RBM14: variants seen among roughly 807,000 people sequenced by gnomAD.
RBM14 encodes the protein RNA binding motif protein 14, also known as RNA-binding protein 14.
Under a neutral mutation model 52.8 loss-of-function variants are expected in RBM14, and 5 were observed. That is an observed-to-expected ratio of 0.09 (90% CI 0.05 to 0.20). The LOEUF is 0.20. RBM14 is among the 10% of genes least tolerant of loss of function. The pLI is 1.00. For synonymous variants in RBM14, 411 were observed against 401.8 expected (o/e 1.02, Z -0.28); for missense variants, 780 against 926.6 (o/e 0.84, Z 2.05).
Position 66,629,167 on chromosome 11 carries a change from A to C in RBM14, c.*2499A>C, listed in dbSNP as rs1937943798. ...TTTGCTTTGTGGATTACTGATTTCA[A>C]GTTCTATAACTTGGGGAAAGTTAGG... On this transcript the variant is annotated 3_prime_UTR_variant, in exon 3 of 3. Transcript: ENST00000310137. Among the ~76,000 whole-genome samples, 1 of 152,168 alleles carries C rather than the reference A, an allele frequency of 6.6e-6. No individual in the cohort carries two copies. Among genetic ancestry groups the C allele is most frequent in the African/African-American group, 2.4e-5 (1 of 41,430 alleles).
At chr11:66,619,787 C>T (rs978670266) in intron 1 of RBM14, among the ~76,000 whole-genome samples, 1 of 152,090 alleles carries the variant, frequency 6.6e-6, no homozygotes, top group Non-Finnish European at 1.5e-5. Context: ...AGGATGGTCT[C>T]GATCTCCTGA....
chr11:66,617,334 G>C (rs1858884988), intron 1 of RBM14: 17 of 1,269,026 alleles, frequency 1.3e-5, no homozygotes, highest in Non-Finnish European at 1.7e-5. Flanking sequence ...CCTTGCGAGT[G>C]TTCCGGGGGC....
intron 1 of RBM14, chr11:66,617,611 T>A (rs757153645): frequency 4.7e-5 from 45 of 962,860 alleles, no homozygotes; most frequent in Non-Finnish European, 5.3e-5. Context: ...GGCATGGGTC[T>A]ACTCATGGGC....
Position 66,625,038 on chromosome 11 carries a change from T to C in RBM14, c.1162T>C (p.Ser388Pro). Reference protein sequence around the residue: ...GAQAASYGAQSAASSLAYGAQ... With the variant: ...GAQAASYGAQPAASSLAYGAQ... ...TCAGGCAGCCTCCTATGGGGCCCAG[T>C]CTGCAGCCTCCTCACTAGCTTATGG... Residue 388 changes from serine (S) to proline (P), a missense_variant, in exon 2 of 3, where the codon TCT (serine) becomes CCT (proline). Physicochemically the swap from Ser to Pro is moderately conservative, Grantham distance 74 (BLOSUM62 -1). Transcript: ENST00000310137. This position sits in a 1 kb window ranked among gnomAD's most constrained non-coding sequence, Gnocchi z 4.2. 6.2e-7 allele frequency: 1 copy of C among 1,612,864 alleles called. No individual in the cohort carries two copies. The highest frequency in any genetic ancestry group is 8.5e-7 in the Non-Finnish European group (1 of 1,179,622).
At position 66,629,128 on chromosome 11, in the gene RBM14, C is replaced by CTA. The variant is rs1937942567; in HGVS notation, c.*2463_*2464dup. Among the ~76,000 whole-genome samples, 1 of 152,194 alleles carries CTA rather than the reference C, an allele frequency of 6.6e-6. No individual in the cohort carries two copies. The highest frequency in any genetic ancestry group is 2.4e-5 in the African/African-American group (1 of 41,434). On this transcript the variant is annotated 3_prime_UTR_variant, in exon 3 of 3. Transcript: ENST00000310137. ...TTTAATTATGCCACCTGTGTTAATC[C>CTA]TATAGCCTGCTTCTTTGCTTTGTGG...
At position 66,625,149 on chromosome 11, in the gene RBM14, T is replaced by C; in HGVS notation, c.1273T>C (p.Tyr425His). The change falls in exon 2 of 3, where the codon TAC becomes CAC. Residue 425 changes from tyrosine (Y) to histidine (H), a missense_variant. Tyr to His is a moderately conservative substitution (Grantham distance 83, BLOSUM62 2). This residue lies in a region of RBM14 where 675 missense variants were observed against 697.3 expected (regional missense o/e 0.97). Transcript: ENST00000310137. This position sits in a 1 kb window ranked among gnomAD's most constrained non-coding sequence, Gnocchi z 4.2. ...APYAAQQAAS[Y>H]SSQPAAYVAQ... The stretch of plus-strand genomic sequence containing the variant: ...ATATGCTGCACAGCAGGCTGCTTCC[T>C]ACTCTTCCCAACCTGCTGCCTATGT... 6.2e-7 allele frequency: 1 copy of C among 1,612,930 alleles called. No homozygotes were observed. Among genetic ancestry groups the C allele is most frequent in the Non-Finnish European group, 8.5e-7 (1 of 1,179,986 alleles).
chr11:66,623,063 C>T (rs1263899165), intron 1 of RBM14, among the ~76,000 whole-genome samples: 2 of 152,184 alleles, frequency 1.3e-5, no homozygotes, highest in African/African-American at 4.8e-5. Context: ...AGACCGGCAT[C>T]CTGTCTTCTC....
Position 66,624,742 on chromosome 11 carries a change from T to C in RBM14, c.866T>C (p.Leu289Pro). 2 of 1,614,016 alleles carry C rather than the reference T, an allele frequency of 1.2e-6. No individual in the cohort carries two copies. The highest frequency in any genetic ancestry group is 1.7e-6 in the Non-Finnish European group (2 of 1,179,938). ...CTTGGGGCACCATACAGGGGCCAGC[T>C]GGCTAGTCCTAGCTCCCAGTCTGCT... The part of the protein sequence containing the change: ...VSLGAPYRGQ[L>P]ASPSSQSAAA... Residue 289 changes from leucine to proline, a missense_variant, in exon 2 of 3, where the codon CTG (leucine) becomes CCG (proline). Leu to Pro is a moderately conservative substitution (Grantham distance 98). Coordinates refer to ENST00000310137, the MANE Select transcript of RBM14 (RefSeq NM_006328.4). The surrounding 1 kb of genome is among the most constrained non-coding windows in gnomAD (Gnocchi z 4.7).
At position 66,626,673 on chromosome 11, in the gene RBM14, A is replaced by G. The variant is rs1937824783; in HGVS notation, c.*5A>G. ...GGCTACCAGCGCCGCATGTAGGGCC[A>G]TCCTGGGATGGGGCACCACAGGGAG... On this transcript the variant is annotated 3_prime_UTR_variant, in exon 3 of 3. Coordinates refer to ENST00000310137, the MANE Select transcript of RBM14 (RefSeq NM_006328.4). 1.1e-5 allele frequency: 17 copies of G among 1,598,574 alleles called. No homozygotes were observed. The highest frequency in any genetic ancestry group is 2.2e-5 in the East Asian group (1 of 44,616).
Position 66,625,243 on chromosome 11 carries a change from C to A in RBM14, c.1367C>A (p.Pro456Gln). The change falls in exon 2 of 3, where the codon CCA becomes CAA. Residue 456 changes from proline (P) to glutamine (Q), a missense_variant. Pro to Gln is a moderately conservative substitution (Grantham distance 76). Transcript: ENST00000310137. The surrounding 1 kb of genome is among the most constrained non-coding windows in gnomAD (Gnocchi z 4.2). The part of the protein sequence containing the change: ...PAAYAAQATT[P>Q]MAGSYGAQPV... ...GCCTACGCCGCACAAGCCACTACCC[C>A]AATGGCTGGCTCCTATGGGGCCCAG... The A allele has an allele frequency of 6.2e-7, 1 of 1,612,846 alleles. No individual in the cohort carries two copies.
At position 66,625,410 on chromosome 11, in the gene RBM14, C is replaced by G; in HGVS notation, c.1534C>G (p.Leu512Val). The G allele has an allele frequency of 1.9e-6, 3 of 1,613,692 alleles. No homozygotes were observed. Among genetic ancestry groups the G allele is most frequent in the Non-Finnish European group, 2.5e-6 (3 of 1,179,956 alleles). The change falls in exon 2 of 3, where the codon CTG becomes GTG. Residue 512 changes from leucine to valine, a missense_variant. Leu to Val is a conservative substitution (Grantham distance 32, BLOSUM62 1). Transcript: ENST00000310137. This position sits in a 1 kb window ranked among gnomAD's most constrained non-coding sequence, Gnocchi z 4.2. ...CTACGGGGCCCAACCTTCTGCCACC[C>G]TGGCAGCTCCTTACCGCACTCAGTC... ...AAYGAQPSAT[L>V]AAPYRTQSSA...
In RBM14 at chr11:66,621,471, G is replaced by A. The variant is rs139852973; in HGVS notation, c.338-2743G>A. 1.3e-4 allele frequency among the ~76,000 whole-genome samples: 19 copies of A among 151,924 alleles called. No homozygotes were observed. The East Asian group carries it at 3.5e-3, about 28-fold the overall frequency. On this transcript the variant is annotated intron_variant, in intron 1 of 2. Coordinates refer to ENST00000310137, the MANE Select transcript of RBM14 (RefSeq NM_006328.4). ...TGGCTCACTGCAACCTCCGCCTCCC[G>A]GGTTAAAGTGATTCTCCTGCCTCGG...
chr11:66,616,865 C>T lies in RBM14; in HGVS notation c.145C>T (p.Leu49=), dbSNP rs200626567. 225 of 1,612,328 alleles carry T rather than the reference C, an allele frequency of 1.4e-4. 2 individuals are homozygous for T. The South Asian group carries it at 1.9e-3, about 14-fold the overall frequency. The part of the protein sequence containing the change: ...FVHMRENAGA[L]RAIEALHGHE... ...GCACATGCGCGAGAACGCGGGCGCGCTGCGCGCCATCGAAGCCCTGCACGG... is the reference window on the plus strand; with the variant it reads ...GCACATGCGCGAGAACGCGGGCGCGTTGCGCGCCATCGAAGCCCTGCACGG... Residue 49 remains leucine, a synonymous_variant, in exon 1 of 3, where the codon CTG becomes TTG. Coordinates refer to ENST00000310137, the MANE Select transcript of RBM14 (RefSeq NM_006328.4).
chr11:66,626,711 G>T lies in RBM14; in HGVS notation c.*43G>T, dbSNP rs374483008. ...GCACCACAGGGAGGGAGGGAGAAAA[G>T]AGGTGGGTAGGGTTACAGATCCAGG... On this transcript the variant is annotated 3_prime_UTR_variant, in exon 3 of 3. Transcript: ENST00000310137. The T allele has an allele frequency of 1.3e-6, 2 of 1,521,522 alleles. No homozygotes were observed. Among genetic ancestry groups the T allele is most frequent in the African/African-American group, 2.7e-5 (2 of 73,126 alleles). 94.3% of individuals were successfully genotyped at this position (1,521,522 alleles called of 1,614,324 possible). A position where few individuals can be genotyped will look rare whatever the true frequency, so the allele number is the denominator to read the frequency against.
Position 66,624,908 on chromosome 11 carries a change from G to A in RBM14, c.1032G>A (p.Gln344=), listed in dbSNP as rs140104887. 1.2e-5 allele frequency: 20 copies of A among 1,613,714 alleles called. No homozygotes were observed. The African/African-American group carries it at 2.5e-4, about 20-fold the overall frequency. ...QGSSLASYGN[Q]PSSYGAQAAS... is the part of the protein sequence containing the mutation. ...CCTCCCTTGCCTCCTATGGTAACCA[G>A]CCATCCTCTTACGGCGCCCAGGCTG... The change falls in exon 2 of 3, where the codon CAG becomes CAA. Residue 344 remains glutamine (Q), a synonymous_variant. Transcript: ENST00000310137. The surrounding 1 kb of genome is among the most constrained non-coding windows in gnomAD (Gnocchi z 4.7).
rs750468092 is a variant in RBM14, at chr11:66,624,588, C to T, written c.712C>T (p.Arg238Trp). The T allele has an allele frequency of 6.8e-6, 11 of 1,612,104 alleles. No individual in the cohort carries two copies. Among genetic ancestry groups the T allele is most frequent in the South Asian group, 3.3e-5 (3 of 91,088 alleles). Reference protein sequence around the residue: ...APLTAQPATYRAQPSVSLGAA... With the variant: ...APLTAQPATYWAQPSVSLGAA... ...TCTGACGGCCCAGCCAGCTACCTACCGGGCCCAGCCGTCCGTGTCACTGGG... is the reference window on the plus strand; with the variant it reads ...TCTGACGGCCCAGCCAGCTACCTACTGGGCCCAGCCGTCCGTGTCACTGGG... The change falls in exon 2 of 3, where the codon CGG becomes TGG. Residue 238 changes from arginine (R) to tryptophan (W), a missense_variant. Arg to Trp is a moderately radical substitution (Grantham distance 101). This residue lies in a region of RBM14 where 675 missense variants were observed against 697.3 expected (regional missense o/e 0.97). Coordinates refer to ENST00000310137, the MANE Select transcript of RBM14 (RefSeq NM_006328.4). This position sits in a 1 kb window ranked among gnomAD's most constrained non-coding sequence, Gnocchi z 4.7.
intron 1 of RBM14, chr11:66,619,241 C>T (rs1477755120): frequency 6.6e-6 from 1 of 152,098 alleles, no homozygotes; most frequent in Admixed American, 6.6e-5. Flanking sequence ...GCTGACAGGG[C>T]TTTGAAAAGC....
chr11:66,624,470 T>C lies in RBM14; in HGVS notation c.594T>C (p.Phe198=), dbSNP rs765748076. ...QQAFGNSTGG[F]DGQARQPTPP... ...CTTTTGGCAACAGCACTGGTGGCTTTGATGGGCAAGCCCGTCAGCCCACAC... is the reference window on the plus strand; with the variant it reads ...CTTTTGGCAACAGCACTGGTGGCTTCGATGGGCAAGCCCGTCAGCCCACAC... Residue 198 remains phenylalanine (F), a synonymous_variant, in exon 2 of 3, where the codon TTT becomes TTC. Coordinates refer to ENST00000310137, the MANE Select transcript of RBM14 (RefSeq NM_006328.4). The surrounding 1 kb of genome is among the most constrained non-coding windows in gnomAD (Gnocchi z 4.7). The C allele has an allele frequency of 6.2e-7, 1 of 1,613,708 alleles. No homozygotes were observed. Among genetic ancestry groups the C allele is most frequent in the South Asian group, 1.1e-5 (1 of 91,082 alleles).
At position 66,625,087 on chromosome 11, in the gene RBM14, C is replaced by T. The variant is rs1156426029; in HGVS notation, c.1211C>T (p.Ala404Val). 2 of 1,613,498 alleles carry T rather than the reference C, an allele frequency of 1.2e-6. No individual in the cohort carries two copies. The highest frequency in any genetic ancestry group is 1.7e-6 in the Non-Finnish European group (2 of 1,179,952). The change falls in exon 2 of 3, where the codon GCC (alanine) becomes GTC (valine). Residue 404 changes from alanine to valine, a missense_variant. Physicochemically the swap from Ala to Val is moderately conservative, Grantham distance 64. This residue lies in a region of RBM14 where 675 missense variants were observed against 697.3 expected (regional missense o/e 0.97). Transcript: ENST00000310137. The surrounding 1 kb of genome is among the most constrained non-coding windows in gnomAD (Gnocchi z 4.2). ...AYGAQAASYN[A>V]QPSASYNAQS... ...GGAGCCCAGGCAGCTTCATATAATGCCCAGCCCTCGGCCTCTTACAATGCC... is the reference window on the plus strand; with the variant it reads ...GGAGCCCAGGCAGCTTCATATAATGTCCAGCCCTCGGCCTCTTACAATGCC...
Sources: allele counts gnomAD v4.1 joint callset (sites outside exome capture counted in the v4.1 genomes callset), GRCh38; gene constraint gnomAD v4.1.1; regional missense constraint gnomAD v4.1.1; non-coding constraint Gnocchi (gnomAD v3.1); transcripts MANE v1.5; gene names NCBI Gene and HGNC (gene_info 2026-07-23, HGNC 2026-07-21).